GGTA1: variants seen among roughly 807,000 people sequenced by gnomAD.
GGTA1 encodes the protein inactive N-acetyllactosaminide alpha-1,3-galactosyltransferase.
A neutral mutation model predicts 2.6 loss-of-function variants in GGTA1; 5 were observed. That is an observed-to-expected ratio of 1.92 (90% confidence interval 1.00 to 4.04). The LOEUF is 4.04. GGTA1 is among the 30% of genes most tolerant of loss of function. The pLI is 0.00. For synonymous variants in GGTA1, 17 were observed against 5.0 expected, an observed-to-expected ratio of 3.38 and a Z score of -3.19; for missense variants, 50 against 16.7, an observed-to-expected ratio of 2.99 and a Z score of -3.47.
chr9:121,457,151 T>G (rs2064918439), intron 5 of GGTA1, among the ~76,000 whole-genome samples: 1 of 152,124 alleles, frequency 6.6e-6, no homozygotes, highest in South Asian at 2.1e-4. Flanking sequence ...CATTAGACCA[T>G]GAGGTAGACA....
At position 121,490,951 on chromosome 9, in the gene GGTA1, T is replaced by C. The variant is rs114241449; in HGVS notation, c.-10+8699A>G. Among the ~76,000 whole-genome samples the C allele has an allele frequency of 8.3e-3, 1,268 of 152,300 alleles. 17 individuals carry two copies. The highest frequency in any genetic ancestry group is 0.029 in the African/African-American group (1,206 of 41,532). On this transcript the variant is annotated intron_variant, in intron 1 of 5. Transcript: ENST00000481799. ...TATGTTGAATTTTCATGCCCTGGAA[T>C]GAATTCCTAAGCACTTGATTAAATG...
intron 1 of GGTA1, among the ~76,000 whole-genome samples, chr9:121,485,334 G>T (rs1053159099): frequency 1.3e-5 from 2 of 152,038 alleles, no homozygotes; most frequent in Non-Finnish European, 2.9e-5. Flanking sequence ...ACAATCCCCC[G>T]AGAGTCCCCC....
chr9:121,468,344 T>G (rs925273491), intron 1 of GGTA1, among the ~76,000 whole-genome samples: 1 of 152,218 alleles, frequency 6.6e-6, no homozygotes, highest in Non-Finnish European at 1.5e-5. Context: ...GCAAAGGACA[T>G]GAACTCATCC....
chr9:121,474,269 C>T, intron 1 of GGTA1, among the ~76,000 whole-genome samples: 1 of 152,166 alleles, frequency 6.6e-6, no homozygotes, highest in Non-Finnish European at 1.5e-5. Context: ...TACTCTTATA[C>T]TTTCTCTCTG....
At chr9:121,448,268 A>G (rs117313565) in intron 7 of GGTA1, among the ~76,000 whole-genome samples, 1,561 of 152,304 alleles carry the variant, frequency 0.01, 15 homozygotes, top group Non-Finnish European at 0.016. Flanking sequence ...ATAAACCCCA[A>G]TGTTGCTACT....
intron 1 of GGTA1, among the ~76,000 whole-genome samples, chr9:121,496,922 G>A (rs553710894): frequency 6.6e-6 from 1 of 152,070 alleles, no homozygotes; most frequent in South Asian, 2.1e-4. Flanking sequence ...ACTGGGCATG[G>A]TGGCTCACAC....
At chr9:121,482,112 C>T (rs902638159) in intron 1 of GGTA1, among the ~76,000 whole-genome samples, 5 of 152,072 alleles carry the variant, frequency 3.3e-5, no homozygotes, top group African/African-American at 4.8e-5. Context: ...TGGGCCCTGC[C>T]TCCCCAATCC....
chr9:121,480,310 C>T (rs900911499), intron 1 of GGTA1, among the ~76,000 whole-genome samples: 13 of 152,180 alleles, frequency 8.5e-5, no homozygotes, highest in Non-Finnish European at 1.5e-4. Flanking sequence ...CCCGCCTCAG[C>T]CTCCCAAAGT....
At chr9:121,486,297 T>A (rs1278971050) in intron 1 of GGTA1, among the ~76,000 whole-genome samples, 1 of 152,214 alleles carries the variant, frequency 6.6e-6, no homozygotes, top group African/African-American at 2.4e-5. Flanking sequence ...AGGAGGACAC[T>A]GTTGCTATCT....
chr9:121,496,757 A>AAAAAAGAG (rs1554838784), intron 1 of GGTA1, among the ~76,000 whole-genome samples: 1 of 111,904 alleles, frequency 8.9e-6, no homozygotes. Flanking sequence ...AAAAAAAAAA[A>AAAAAAGAG]AGAGAGAGAG....
At chr9:121,481,152 C>CAAAAAA (rs56784223) in intron 1 of GGTA1, among the ~76,000 whole-genome samples, 1 of 78,536 alleles carries the variant, frequency 1.3e-5, no homozygotes. Context: ...GACACCATCT[C>CAAAAAA]AAAAAAAAAA....
chr9:121,484,782 C>A (rs1358148289), intron 1 of GGTA1, among the ~76,000 whole-genome samples: 1 of 152,208 alleles, frequency 6.6e-6, no homozygotes, highest in Non-Finnish European at 1.5e-5. Context: ...CCAAGCTGCT[C>A]AGTCAAAATA....
chr9:121,484,015 C>T (rs1282652693), intron 1 of GGTA1, among the ~76,000 whole-genome samples: 2 of 152,138 alleles, frequency 1.3e-5, no homozygotes, highest in Non-Finnish European at 2.9e-5. Flanking sequence ...TCATAATCCC[C>T]ACCTCTCAGG....
At chr9:121,472,588 G>C (rs1252873905) in intron 1 of GGTA1, among the ~76,000 whole-genome samples, 1 of 152,208 alleles carries the variant, frequency 6.6e-6, no homozygotes, top group East Asian at 1.9e-4. Context: ...TGCAAATGAA[G>C]GACTCTAAAG....
chr9:121,476,057 C>T lies in GGTA1; in HGVS notation c.-9-8126G>A, dbSNP rs1247267745. Among the ~76,000 whole-genome samples the T allele has an allele frequency of 6.6e-6, 1 of 152,110 alleles. No individual in the cohort carries two copies. Among genetic ancestry groups the T allele is most frequent in the Non-Finnish European group, 1.5e-5 (1 of 68,030 alleles). ...TGTGCCCATGGTCTGTTAATGCCCC[C>T]CACACAGTACCTATAATAATGATGA... On this transcript the variant is annotated intron_variant, in intron 1 of 5. Coordinates refer to ENST00000481799, the MANE Select transcript of GGTA1 (RefSeq NM_001382585.1). The surrounding 1 kb of genome is among the most constrained non-coding windows in gnomAD (Gnocchi z 4.6).
exon 8 of GGTA1, chr9:121,447,304 A>C (rs1425585422): frequency 6.6e-6 from 1 of 152,520 alleles, no homozygotes; most frequent in East Asian, 1.9e-4. Context: ...TAGGGTCTCC[A>C]CCCCAAAATG....
At chr9:121,466,773 T>G (rs2065007673) in intron 2 of GGTA1, among the ~76,000 whole-genome samples, 1 of 151,968 alleles carries the variant, frequency 6.6e-6, no homozygotes, top group Admixed American at 6.6e-5. Context: ...GCCAACATGG[T>G]GAAACCCTGT....
chr9:121,457,981 C>T (rs1410007307), intron 5 of GGTA1, among the ~76,000 whole-genome samples: 1 of 147,994 alleles, frequency 6.8e-6, no homozygotes, highest in Non-Finnish European at 1.5e-5. Flanking sequence ...ATGATCTTGG[C>T]TCACTGCAAC....
At chr9:121,451,312 A>C (rs929185945), downstream of GGTA1, among the ~76,000 whole-genome samples, 1 of 152,088 alleles carries the variant, frequency 6.6e-6, no homozygotes, top group African/African-American at 2.4e-5. Context: ...CAGCCTCCCA[A>C]GTAGCTGAGA....
Sources: allele counts gnomAD v4.1 joint callset (sites outside exome capture counted in the v4.1 genomes callset), GRCh38; gene constraint gnomAD v4.1.1; non-coding constraint Gnocchi (gnomAD v3.1); transcripts MANE v1.5; gene names NCBI Gene and HGNC (gene_info 2026-07-23, HGNC 2026-07-21).